STK33: variants seen among roughly 807,000 people sequenced by gnomAD.
The protein encoded by STK33 is serine/threonine-protein kinase 33.
In STK33, 52 loss-of-function variants were observed where a neutral mutation model predicts 58.0. That is an observed-to-expected ratio of 0.90 (90% CI 0.72 to 1.13). STK33 has a LOEUF of 1.13. STK33 is among the 50% of genes most tolerant of loss of function. STK33 has a pLI of 0.00. For synonymous variants in STK33, 215 were observed against 200.1 expected, an observed-to-expected ratio of 1.07 and a Z score of -0.63; for missense variants, 630 against 604.2, an observed-to-expected ratio of 1.04 and a Z score of -0.45.
At chr11:8,344,229 A>ACACACACACACC in the STK33 span, among the ~76,000 whole-genome samples, 91 of 150,492 alleles carry the variant, frequency 6.0e-4, 1 homozygote, top group East Asian at 0.012. Context: ...ACACACACAC[A>ACACACACACACC]CCCCAGTTAG....
chr11:8,532,607 C>A (rs571538580), intron 1 of STK33, among the ~76,000 whole-genome samples: 13 of 152,310 alleles, frequency 8.5e-5, no homozygotes, highest in Admixed American at 6.5e-4. Context: ...ACTAATATGA[C>A]AAATAGTTTT....
At chr11:8,579,058 T>A (rs1334809720) in intron 1 of STK33, among the ~76,000 whole-genome samples, 1 of 152,106 alleles carries the variant, frequency 6.6e-6, no homozygotes, top group Non-Finnish European at 1.5e-5. Flanking sequence ...GTTATAGTCA[T>A]CACCAATTCC....
rs1248223523 is a variant in STK33 at position 8,457,207 on chromosome 11, T to C, written c.697+134A>G. 6 of 764,906 alleles carry C rather than the reference T, an allele frequency of 7.8e-6. No homozygotes were observed. In the Middle Eastern group the frequency reaches 9.9e-4, roughly 127 times the overall value. 47.4% of individuals were successfully genotyped at this position (764,906 alleles called of 1,614,324 possible). A position where few individuals can be genotyped will look rare whatever the true frequency, so the allele number is the denominator to read the frequency against. On this transcript the variant is annotated intron_variant, in intron 9 of 15. Coordinates refer to ENST00000687296, the MANE Select transcript of STK33 (RefSeq NM_001352389.2). ...TAAAAAGAAAGTTAAAAAGGAAACA[T>C]TTTTAACTAAAAATTAAATCTTCTA...
At chr11:8,486,589 T>C (rs892494262) in intron 1 of STK33, among the ~76,000 whole-genome samples, 1 of 152,214 alleles carries the variant, frequency 6.6e-6, no homozygotes, top group African/African-American at 2.4e-5. Flanking sequence ...TCCTTGTCTG[T>C]ATCCTTCACT....
At chr11:8,520,802 TC>T (rs1243597588) in intron 1 of STK33, among the ~76,000 whole-genome samples, 3 of 152,166 alleles carry the variant, frequency 2.0e-5, no homozygotes, top group Middle Eastern at 3.4e-3. Context: ...GTGAAGGACC[TC>T]TTCAAGGAGA....
chr11:8,489,886 T>C (rs1369724530), intron 1 of STK33, among the ~76,000 whole-genome samples: 1 of 152,086 alleles, frequency 6.6e-6, no homozygotes, highest in Non-Finnish European at 1.5e-5. Flanking sequence ...TGAAGATTGA[T>C]TGAGATTAGC....
intron 1 of STK33, among the ~76,000 whole-genome samples, chr11:8,541,803 G>T (rs1955539999): frequency 6.6e-6 from 1 of 152,140 alleles, no homozygotes; most frequent in Non-Finnish European, 1.5e-5. Flanking sequence ...CACAGTGTTA[G>T]AGAGTCTAAT....
At chr11:8,411,461 G>C (rs564710402) in intron 15 of STK33, among the ~76,000 whole-genome samples, 1 of 152,284 alleles carries the variant, frequency 6.6e-6, no homozygotes, top group Admixed American at 6.5e-5. Flanking sequence ...AAGTGCTTTT[G>C]CTTTTGTTTT....
intron 14 of STK33, among the ~76,000 whole-genome samples, chr11:8,421,503 G>A (rs1941918318): frequency 6.6e-6 from 1 of 152,068 alleles, no homozygotes; most frequent in Non-Finnish European, 1.5e-5. Context: ...TAATCATACT[G>A]CCCTAATTAA....
At chr11:8,369,250 T>A in the STK33 span, among the ~76,000 whole-genome samples, 1 of 152,088 alleles carries the variant, frequency 6.6e-6, no homozygotes, top group Non-Finnish European at 1.5e-5. Context: ...CACTTTTTTT[T>A]TACCTTCTAT....
At chr11:8,479,141 G>A (rs1305023486) in intron 2 of STK33, among the ~76,000 whole-genome samples, 1 of 152,138 alleles carries the variant, frequency 6.6e-6, no homozygotes, top group African/African-American at 2.4e-5. Context: ...GAGGCCGGGT[G>A]CGGTGGCTCA....
downstream of STK33, among the ~76,000 whole-genome samples, chr11:8,391,383 T>TG (rs1848620374): frequency 6.6e-6 from 1 of 152,224 alleles, no homozygotes; most frequent in Admixed American, 6.5e-5. Flanking sequence ...CAGAACCACG[T>TG]GGGGCAACAC....
chr11:8,432,712 A>G (rs754080435), intron 14 of STK33, among the ~76,000 whole-genome samples: 4 of 152,206 alleles, frequency 2.6e-5, no homozygotes, highest in Non-Finnish European at 5.9e-5. Context: ...AGAGAACTAC[A>G]TATTTTCTTT....
chr11:8,371,358 G>A, the STK33 span, among the ~76,000 whole-genome samples: 8,112 of 152,124 alleles, frequency 0.053, 626 homozygotes, highest in African/African-American at 0.17. Flanking sequence ...GCCACGAGCC[G>A]AGGAATGCCA....
chr11:8,395,102 G>A (rs1430389427), intron 15 of STK33, among the ~76,000 whole-genome samples: 1 of 152,120 alleles, frequency 6.6e-6, no homozygotes, highest in African/African-American at 2.4e-5. Flanking sequence ...TTGGTTGCAG[G>A]TCAAAAACAG....
intron 1 of STK33, among the ~76,000 whole-genome samples, chr11:8,564,597 G>A (rs997549504): frequency 6.6e-5 from 10 of 152,174 alleles, no homozygotes; most frequent in Non-Finnish European, 1.5e-5. Context: ...AACTTCAGAA[G>A]AAAAGACTGA....
At chr11:8,530,296 A>G (rs1209216833) in intron 1 of STK33, among the ~76,000 whole-genome samples, 1 of 152,168 alleles carries the variant, frequency 6.6e-6, no homozygotes, top group Non-Finnish European at 1.5e-5. Context: ...AGCGGACAAA[A>G]GAGCATTTAA....
At chr11:8,487,765 A>T (rs1318713249) in intron 1 of STK33, among the ~76,000 whole-genome samples, 2 of 152,214 alleles carry the variant, frequency 1.3e-5, no homozygotes, top group Non-Finnish European at 2.9e-5. Flanking sequence ...CAAAAATGGC[A>T]GATTAAGGAT....
chr11:8,498,152 C>G (rs1158651615), intron 1 of STK33, among the ~76,000 whole-genome samples: 1 of 151,598 alleles, frequency 6.6e-6, no homozygotes, highest in Non-Finnish European at 1.5e-5. Context: ...TTGATATATG[C>G]AGAAAAAAAA....
Sources: gnomAD v4.1 joint callset for allele counts (sites outside exome capture counted in the v4.1 genomes callset) on GRCh38, gnomAD v4.1.1 for gene constraint, MANE v1.5 for transcripts, NCBI Gene and HGNC (gene_info 2026-07-23, HGNC 2026-07-21) for gene names.